The following OGDHL variants were observed in gnomAD, a reference collection of about 807,000 sequenced individuals.
OGDHL encodes the protein oxoglutarate dehydrogenase L, also known as 2-oxoglutarate dehydrogenase-like, mitochondrial.
OGDHL carries 79 observed loss-of-function variants against 109.6 expected under a neutral mutation model. That is an observed-to-expected ratio of 0.72 (90% CI 0.60 to 0.87). The LOEUF (loss-of-function observed/expected upper bound fraction) is 0.87. Among genes scored for constraint, OGDHL ranks in the 40% least tolerant of loss-of-function variants. The pLI, the probability that OGDHL is intolerant of heterozygous loss-of-function variation, is 0.00. For missense variants in OGDHL, 1,275 were observed against 1,362.2 expected (o/e 0.94, Z 1.01); for synonymous variants, 528 against 537.2 (o/e 0.98, Z 0.24).
At chr10:49,753,245 T>G (rs1009993085) in intron 3 of OGDHL, among the ~76,000 whole-genome samples, 1 of 152,154 alleles carries the variant, frequency 6.6e-6, no homozygotes, top group African/African-American at 2.4e-5. Flanking sequence ...AATAAATATA[T>G]GCATTAGAAG....
At chr10:49,747,622 C>G (rs903850161) in intron 8 of OGDHL, among the ~76,000 whole-genome samples, 1 of 152,196 alleles carries the variant, frequency 6.6e-6, no homozygotes, top group African/African-American at 2.4e-5. Flanking sequence ...CATTTTATGA[C>G]CCTGAAGCAA....
intron 2 of OGDHL, 49 bp downstream of exon 2, chr10:49,758,340 G>T: frequency 1.3e-6 from 2 of 1,554,926 alleles, no homozygotes; most frequent in Non-Finnish European, 1.7e-6. Context: ...CCCGGCCCCC[G>T]AGGGCTTCCC....
Position 49,756,874 on chromosome 10 carries a change from C to A in OGDHL, c.277G>T (p.Val93Phe). 1 of 1,614,072 alleles carries A rather than the reference C, an allele frequency of 6.2e-7. No homozygotes were observed. Among genetic ancestry groups the A allele is most frequent in the Non-Finnish European group, 8.5e-7 (1 of 1,179,976 alleles). ...ACTGCAGACCTGCTCTCATGGACAA[C>A]AGAAGGGGGCCGTGGCTGAGCAGAG... ...SGSAQPRPPS[V>F]VHESRSAVSS... The change falls in exon 3 of 23, where the codon GTT becomes TTT. Residue 93 changes from valine to phenylalanine, a missense_variant. Transcript: ENST00000374103.
chr10:49,746,067 T>C lies in OGDHL; in HGVS notation c.1297-90A>G. On this transcript the variant is annotated intron_variant, in intron 10 of 22. Transcript: ENST00000374103. ...CCTTGGAGACTGAGCAGGGGGATGC[T>C]CAAGGTCCACTGAGGTGCCCAGGAG... 2.8e-6 allele frequency: 4 copies of C among 1,445,526 alleles called. 1 individual carries two copies. In the South Asian group the frequency reaches 5.3e-5, roughly 19 times the overall value. 89.5% of individuals were successfully genotyped at this position (1,445,526 alleles called of 1,614,324 possible).
Position 49,739,805 on chromosome 10 carries a change from A to T in OGDHL, c.2175T>A (p.Asn725Lys), listed in dbSNP as rs1841508796. The T allele has an allele frequency of 1.9e-6, 3 of 1,614,124 alleles. No individual in the cohort carries two copies. In the South Asian group the frequency reaches 3.3e-5, roughly 18 times the overall value. The change falls in exon 17 of 23, where the codon AAT becomes AAA. Residue 725 changes from asparagine to lysine, a missense_variant. Asn to Lys is a moderately conservative substitution (Grantham distance 94). Transcript: ENST00000374103. Reference sequence around the variant, plus strand: ...ACTGGGCCTCCCAGAGGACCAGGGCATTGGGGCTGGCCATGGCATAGCCCA... The same window carrying T: ...ACTGGGCCTCCCAGAGGACCAGGGCTTTGGGGCTGGCCATGGCATAGCCCA... ...FELGYAMASP[N>K]ALVLWEAQFG...
chr10:49,735,756 G>A (rs895423265), intron 22 of OGDHL, among the ~76,000 whole-genome samples: 7 of 152,184 alleles, frequency 4.6e-5, no homozygotes, highest in African/African-American at 7.2e-5. Flanking sequence ...TCTTATCACC[G>A]CCCTTTGTAG....
chr10:49,742,714 G>T, intron 15 of OGDHL, 114 bp downstream of exon 15: 1 of 1,355,262 alleles, frequency 7.4e-7, no homozygotes, highest in East Asian at 2.5e-5. Flanking sequence ...TGAGGGCAGG[G>T]GCTAGGGATG....
chr10:49,741,736 TACATACACACACCACACACACCAAACACC>T (rs1298164523), intron 15 of OGDHL, among the ~76,000 whole-genome samples: 1 of 114,782 alleles, frequency 8.7e-6, no homozygotes, highest in Non-Finnish European at 1.8e-5. Context: ...ACCACACACA[TACATACACACACCACACACACCAAACACC>T]ACATACACAC....
chr10:49,741,612 G>A (rs1841661065), intron 15 of OGDHL, among the ~76,000 whole-genome samples: 1 of 150,996 alleles, frequency 6.6e-6, no homozygotes, highest in African/African-American at 2.4e-5. Context: ...AAACAAGCAA[G>A]ATAGGGGCTG....
At position 49,756,840 on chromosome 10, in the gene OGDHL, C is replaced by T. The variant is rs145127820; in HGVS notation, c.311G>A (p.Arg104Gln). Residue 104 changes from arginine (R) to glutamine (Q), a missense_variant, in exon 3 of 23, where the codon CGG (arginine) becomes CAG (glutamine). Coordinates refer to ENST00000374103, the MANE Select transcript of OGDHL (RefSeq NM_018245.3). The part of the protein sequence containing the change: ...VHESRSAVSS[R>Q]TKTSKLVEDH... ...CTCCACCAATTTGCTGGTCTTGGTC[C>T]GACTTGAGACTGCAGACCTGCTCTC... is the stretch of plus-strand genomic sequence containing the variant. 40 of 1,614,054 alleles carry T rather than the reference C, an allele frequency of 2.5e-5. No homozygotes were observed. The East Asian group carries it at 6.0e-4, about 24-fold the overall frequency.
rs753215808 is a variant in OGDHL, at chr10:49,745,378, A to G, written c.1595T>C (p.Ile532Thr). The change falls in exon 12 of 23, where the codon ATT becomes ACT. Residue 532 changes from isoleucine (I) to threonine (T), a missense_variant. Transcript: ENST00000374103. ...PVLKKYADKL[I>T]AEGTVTLQEF... ...CTGCAGGGTGACTGTGCCCTCGGCA[A>G]TCAGCTTGTCTGCGTACTTCTTCAG... 12 of 1,614,092 alleles carry G rather than the reference A, an allele frequency of 7.4e-6. No individual in the cohort carries two copies. The South Asian group carries it at 8.8e-5, about 12-fold the overall frequency.
chr10:49,747,147 T>C lies in OGDHL; in HGVS notation c.1049A>G (p.Asn350Ser), dbSNP rs750856241. ...MYHERINRVT[N>S]RNITLSLVAN... Reference sequence around the variant, plus strand: ...AACCAGCGACAGAGTGATGTTCCGGTTGGTGACGCGGTTGATCCTCTCATG... The same window carrying C: ...AACCAGCGACAGAGTGATGTTCCGGCTGGTGACGCGGTTGATCCTCTCATG... The change falls in exon 9 of 23, where the codon AAC (asparagine) becomes AGC (serine). Residue 350 changes from asparagine (N) to serine (S), a missense_variant. Coordinates refer to ENST00000374103, the MANE Select transcript of OGDHL (RefSeq NM_018245.3). 3.1e-6 allele frequency: 5 copies of C among 1,614,178 alleles called. No homozygotes were observed. The highest frequency in any genetic ancestry group is 1.1e-5 in the South Asian group (1 of 91,092).
At chr10:49,758,661 A>G in intron 1 of OGDHL, 68 bp from the exon 2 acceptor site, 1 of 1,493,742 alleles carries the variant, frequency 6.7e-7, no homozygotes, top group Non-Finnish European at 9.2e-7. Context: ...CTACCAAGCC[A>G]CTGTCCGCTC....
In OGDHL at chr10:49,739,713, C is replaced by T. The variant is rs370705040; in HGVS notation, c.2267G>A (p.Trp756Ter). 4.3e-5 allele frequency: 70 copies of T among 1,614,036 alleles called. No homozygotes were observed. Among genetic ancestry groups the T allele is most frequent in the Non-Finnish European group, 5.8e-5 (68 of 1,179,990 alleles). Residue 756 changes from tryptophan (W) to a stop codon, truncating the protein, a stop_gained, in exon 17 of 23, where the codon TGG becomes TAG. Transcript: ENST00000374103. LOFTEE classifies it high-confidence loss of function. ...CAGCACAATGCCATTATGCCGCACC[C>T]ACTTGGCCTGGCCGGTGCTGATGAA... Reference protein sequence around the residue: ...DQFISTGQAKWVRHNGIVLLL... With the variant: ...DQFISTGQAK
intron 17 of OGDHL, chr10:49,738,618 TA>T: frequency 3.1e-6 from 1 of 319,012 alleles, no homozygotes. Context: ...GCCTTATCGC[TA>T]ACCCCCAAAG....
At position 49,758,490 on chromosome 10, in the gene OGDHL, C is replaced by G. The variant is rs751643938; in HGVS notation, c.103G>C (p.Gly35Arg). ...PVFGWRSRSS[G>R]PPATFPSSKG... The stretch of plus-strand genomic sequence containing the variant: ...CTGCTTGGGAAGGTGGCCGGTGGCC[C>G]GGAGGACCTGCTGCGCCAGCCAAAC... Residue 35 changes from glycine to arginine, a missense_variant, in exon 2 of 23, where the codon GGG (glycine) becomes CGG (arginine). Physicochemically the swap from Gly to Arg is moderately radical, Grantham distance 125. Transcript: ENST00000374103. 6.2e-7 allele frequency: 1 copy of G among 1,613,848 alleles called. No homozygotes were observed. Among genetic ancestry groups the G allele is most frequent in the Admixed American group, 1.7e-5 (1 of 60,016 alleles).
At chr10:49,755,728 T>C (rs773026177) in intron 3 of OGDHL, among the ~76,000 whole-genome samples, 10 of 152,200 alleles carry the variant, frequency 6.6e-5, no homozygotes, top group Non-Finnish European at 1.5e-4. Flanking sequence ...ATGCCTCGTC[T>C]TGGTTAATCA....
chr10:49,738,421 C>T (rs1230073771), intron 17 of OGDHL, 159 bp from the exon 18 acceptor site: 2 of 683,476 alleles, frequency 2.9e-6, no homozygotes, highest in Non-Finnish European at 5.0e-6. Context: ...GAATGTGGAA[C>T]AAGAGCAGAA....
chr10:49,737,333 C>G (rs982637638), intron 20 of OGDHL, among the ~76,000 whole-genome samples: 3 of 152,174 alleles, frequency 2.0e-5, no homozygotes, highest in African/African-American at 7.2e-5. Context: ...CCTGTCCTTC[C>G]CTGGACATAG....
Sources: allele counts gnomAD v4.1 joint callset (sites outside exome capture counted in the v4.1 genomes callset), GRCh38; gene constraint gnomAD v4.1.1; transcripts MANE v1.5; gene names NCBI Gene and HGNC (gene_info 2026-07-23, HGNC 2026-07-21).